Variants in FRY observed in about 807,000 individuals in gnomAD.
FRY encodes protein furry homolog.
In FRY, 128 loss-of-function variants were observed where a neutral mutation model predicts 348.4. The observed-to-expected ratio is 0.37, with a 90% CI of 0.32 to 0.43. The LOEUF is 0.43. FRY is among the 20% of genes least tolerant of loss of function. FRY has a pLI of 1.00. For synonymous variants in FRY, 1,370 were observed against 1,374.7 expected (o/e 1.00, Z 0.08); for missense variants, 2,736 against 3,695.2 (o/e 0.74, Z 6.73).
rs1208438339 is a variant in FRY, at chr13:32,296,117, G to C, written c.*657G>C. On this transcript the variant is annotated 3_prime_UTR_variant, in exon 61 of 61. Transcript: ENST00000542859. The stretch of plus-strand genomic sequence containing the variant: ...ACCTTTCTTATGTTGCTAGGCTACT[G>C]TTTCTGAAAGCCCTGGATCTCTTTG... 2 of 152,918 alleles carry C rather than the reference G, an allele frequency of 1.3e-5. No homozygotes were observed. The highest frequency in any genetic ancestry group is 4.1e-4 in the South Asian group (2 of 4,832). The allele number at this position is 152,918 out of a possible 1,614,324, so 9.5% of individuals were successfully genotyped here. A position where few individuals can be genotyped will look rare whatever the true frequency, so the allele number is the denominator to read the frequency against.
intron 20 of FRY, among the ~76,000 whole-genome samples, chr13:32,176,695 T>A (rs1212510215): frequency 6.6e-6 from 1 of 152,376 alleles, no homozygotes; most frequent in South Asian, 2.1e-4. Flanking sequence ...ATTTTGTTCA[T>A]GTGCTTTTGT....
intron 1 of FRY, 144 bp from the exon 2 acceptor site, chr13:32,078,690 T>G: frequency 1.4e-6 from 1 of 729,692 alleles, no homozygotes; most frequent in Non-Finnish European, 2.5e-6. Flanking sequence ...TCTGACACCA[T>G]TTCCAAAGAA....
At chr13:32,079,601 A>C (rs180759002) in intron 2 of FRY, among the ~76,000 whole-genome samples, 1 of 152,190 alleles carries the variant, frequency 6.6e-6, no homozygotes, top group African/African-American at 2.4e-5. Flanking sequence ...CATTAGACAC[A>C]TGATGCCCTT....
chr13:32,257,878 AAG>A, intron 51 of FRY: 2 of 1,144,920 alleles, frequency 1.7e-6, no homozygotes, highest in Non-Finnish European at 2.7e-6. Context: ...TGTTAACACT[AAG>A]AGAAATGTTC....
intron 39 of FRY, among the ~76,000 whole-genome samples, chr13:32,227,751 G>GTTT (rs200389438): frequency 1.8e-4 from 24 of 135,854 alleles, no homozygotes; most frequent in African/African-American, 4.1e-4. Context: ...ATTTCACATG[G>GTTT]TTTTTTTTTT....
rs1353345680 is a variant in FRY, at chr13:32,185,144, T to C, written c.3315T>C (p.Val1105=). The part of the protein sequence containing the change: ...SAMVANLIQC[V]PVHHRRFLFP... ...TGGTGGCCAACTTGATTCAGTGTGT[T>C]CCAGGTACGGTGATCCGTTACAAGA... is the stretch of plus-strand genomic sequence containing the variant. Residue 1105 remains valine, a synonymous_variant, in exon 26 of 61, where the codon GTT becomes GTC. Coordinates refer to ENST00000542859, the MANE Select transcript of FRY (RefSeq NM_023037.3). 1.9e-6 allele frequency: 3 copies of C among 1,613,550 alleles called. No individual in the cohort carries two copies. In the Admixed American group the frequency reaches 5.0e-5, roughly 27 times the overall value.
At chr13:32,223,648 TGGTGG>T (rs1885431472) in intron 36 of FRY, among the ~76,000 whole-genome samples, 1 of 152,126 alleles carries the variant, frequency 6.6e-6, no homozygotes, top group Non-Finnish European at 1.5e-5. Flanking sequence ...TAGCCAGCTG[TGGTGG>T]CACATGCCTA....
intron 39 of FRY, among the ~76,000 whole-genome samples, chr13:32,227,201 CA>C (rs1885626803): frequency 6.6e-6 from 1 of 152,162 alleles, no homozygotes; most frequent in Non-Finnish European, 1.5e-5. Flanking sequence ...CTCTACAGGA[CA>C]CAGGGAATAG....
chr13:32,194,202 A>G lies in FRY; in HGVS notation c.3651A>G (p.Ile1217Met). 6 of 1,614,078 alleles carry G rather than the reference A, an allele frequency of 3.7e-6. No individual in the cohort carries two copies. The highest frequency in any genetic ancestry group is 5.1e-6 in the Non-Finnish European group (6 of 1,179,940). The part of the protein sequence containing the change: ...VLLLELNPDQ[I>M]NLFNWAIDRC... ...TACTGGAACTTAATCCTGACCAAAT[A>G]AATCTTTTTAACTGGGCAATTGACC... Residue 1217 changes from isoleucine (I) to methionine (M), a missense_variant, in exon 29 of 61, where the codon ATA becomes ATG. Ile to Met is a conservative substitution (Grantham distance 10). Coordinates refer to ENST00000542859, the MANE Select transcript of FRY (RefSeq NM_023037.3).
chr13:32,264,860 G>C (rs1887838460), intron 53 of FRY, among the ~76,000 whole-genome samples: 1 of 152,204 alleles, frequency 6.6e-6, no homozygotes, highest in East Asian at 1.9e-4. Flanking sequence ...CAGGCTCAGG[G>C]AAGGACTCTG....
intron 36 of FRY, among the ~76,000 whole-genome samples, chr13:32,221,356 A>G (rs547631921): frequency 6.6e-6 from 1 of 152,354 alleles, no homozygotes; most frequent in East Asian, 1.9e-4. Context: ...TCCTCTTAAT[A>G]CATAAACTGA....
At chr13:32,074,093 A>T (rs924035257) in intron 1 of FRY, among the ~76,000 whole-genome samples, 4 of 152,224 alleles carry the variant, frequency 2.6e-5, no homozygotes, top group Non-Finnish European at 4.4e-5. Context: ...ATAGATATGC[A>T]GTCCGAAATA....
intron 58 of FRY, among the ~76,000 whole-genome samples, chr13:32,280,545 G>A (rs1260443445): frequency 6.6e-6 from 1 of 152,204 alleles, no homozygotes; most frequent in Non-Finnish European, 1.5e-5. Flanking sequence ...ATAATCTGCT[G>A]TTAAGACAAA....
intron 58 of FRY, among the ~76,000 whole-genome samples, chr13:32,287,138 C>G (rs1464824589): frequency 6.7e-6 from 1 of 150,340 alleles, no homozygotes; most frequent in Non-Finnish European, 1.5e-5. Flanking sequence ...GTACTCCAGC[C>G]TGGGCGACAG....
At chr13:32,164,251 G>T (rs887334902) in intron 17 of FRY, among the ~76,000 whole-genome samples, 1 of 152,218 alleles carries the variant, frequency 6.6e-6, no homozygotes, top group African/African-American at 2.4e-5. Flanking sequence ...ATTGACCTGA[G>T]ATAATATATG....
At chr13:32,082,221 TA>T (rs3065538) in intron 2 of FRY, among the ~76,000 whole-genome samples, 19,802 of 140,680 alleles carry the variant, frequency 0.14, 1,560 homozygotes, top group African/African-American at 0.23. Context: ...TAGCCAACTT[TA>T]AAAAAAAAAA....
chr13:32,239,634 G>A lies in FRY; in HGVS notation c.6517-77G>A. Reference sequence around the variant, plus strand: ...TCAATCTACTTTCCAGATGGCCAGAGCTTATAGTAAAATTGCTAACATTTC... The same window carrying A: ...TCAATCTACTTTCCAGATGGCCAGAACTTATAGTAAAATTGCTAACATTTC... On this transcript the variant is annotated intron_variant, in intron 45 of 60. Coordinates refer to ENST00000542859, the MANE Select transcript of FRY (RefSeq NM_023037.3). This position sits in a 1 kb window ranked among gnomAD's most constrained non-coding sequence, Gnocchi z 4.3. 9.8e-7 allele frequency: 1 copy of A among 1,019,484 alleles called. No individual in the cohort carries two copies. 63.2% of individuals were successfully genotyped at this position (1,019,484 alleles called of 1,614,324 possible).
chr13:32,069,463 C>T (rs1322827450), intron 1 of FRY, among the ~76,000 whole-genome samples: 1 of 152,150 alleles, frequency 6.6e-6, no homozygotes, highest in Non-Finnish European at 1.5e-5. Flanking sequence ...AGAGCAAAAC[C>T]TATGGGTAAG....
chr13:32,133,642 G>T (rs980298077), intron 8 of FRY, among the ~76,000 whole-genome samples: 1 of 151,920 alleles, frequency 6.6e-6, no homozygotes, highest in African/African-American at 2.4e-5. Flanking sequence ...ATAGAATGAG[G>T]ACTTTAGGGA....
Sources: gnomAD v4.1 joint callset for allele counts (sites outside exome capture counted in the v4.1 genomes callset) on GRCh38, gnomAD v4.1.1 for gene constraint, Gnocchi (gnomAD v3.1) non-coding constraint, MANE v1.5 for transcripts, NCBI Gene and HGNC (gene_info 2026-07-23, HGNC 2026-07-21) for gene names.